CEP85L: variants seen among roughly 807,000 people sequenced by gnomAD.
The protein encoded by CEP85L is centrosomal protein of 85 kDa-like.
In CEP85L, 60 loss-of-function variants were observed where a neutral mutation model predicts 100.3. The ratio of observed to expected loss-of-function variants is 0.60; its 90% CI spans 0.49 to 0.74. The LOEUF is 0.74. Among genes scored for constraint, CEP85L ranks in the 30% least tolerant of loss-of-function variants. The pLI is 0.00. For missense variants in CEP85L, 973 were observed against 936.2 expected, an observed-to-expected ratio of 1.04 and a Z score of -0.51; for synonymous variants, 319 against 322.7, an observed-to-expected ratio of 0.99 and a Z score of 0.12.
intron 2 of CEP85L, among the ~76,000 whole-genome samples, chr6:118,623,843 G>T (rs1305654364): frequency 6.6e-6 from 1 of 152,166 alleles, no homozygotes; most frequent in Non-Finnish European, 1.5e-5. Context: ...AGGAGAAAAG[G>T]GATAGAGCTG....
At chr6:118,641,070 C>A (rs1774839067) in intron 1 of CEP85L, among the ~76,000 whole-genome samples, 1 of 152,134 alleles carries the variant, frequency 6.6e-6, no homozygotes, top group Non-Finnish European at 1.5e-5. Context: ...AATCATCTGA[C>A]AAATACCACA....
At chr6:118,595,593 G>C (rs73766575) in intron 2 of CEP85L, among the ~76,000 whole-genome samples, 2,592 of 152,152 alleles carry the variant, frequency 0.017, 69 homozygotes, top group African/African-American at 0.059. Context: ...AAAAGCTCCA[G>C]GTTAAAAAGG....
intron 3 of CEP85L, among the ~76,000 whole-genome samples, chr6:118,530,025 C>A (rs1171073162): frequency 5.3e-4 from 79 of 149,968 alleles, no homozygotes; most frequent in Admixed American, 5.2e-3. Flanking sequence ...AAAATCCAGG[C>A]CAAAAAAAAT....
chr6:118,689,741 G>A (rs569471546), intron 1 of CEP85L, among the ~76,000 whole-genome samples: 3 of 152,044 alleles, frequency 2.0e-5, no homozygotes, highest in East Asian at 1.9e-4. Flanking sequence ...AGTACAATTC[G>A]TTCATTCAAG....
At chr6:118,684,847 T>C (rs1287439519) in intron 1 of CEP85L, among the ~76,000 whole-genome samples, 4 of 152,222 alleles carry the variant, frequency 2.6e-5, no homozygotes, top group African/African-American at 9.6e-5. Context: ...AGACAAGATC[T>C]CACTATGTTG....
In CEP85L at chr6:118,461,594, A is replaced by G. The variant is rs1454082222; in HGVS notation, c.*3811T>C. The G allele has an allele frequency of 6.6e-6, 1 of 152,040 alleles. No individual in the cohort carries two copies. The highest frequency in any genetic ancestry group is 2.1e-4 in the South Asian group (1 of 4,832). The allele number at this position is 152,040 out of a possible 1,614,324, so 9.4% of individuals were successfully genotyped here. The stretch of plus-strand genomic sequence containing the variant: ...TGCTGATTTAAAACTATATTCTTAT[A>G]TTTAGCACTTTTTTAAATAAGAAAA... On this transcript the variant is annotated 3_prime_UTR_variant, in exon 13 of 13. Coordinates refer to ENST00000368491, the MANE Select transcript of CEP85L (RefSeq NM_001042475.3).
intron 3 of CEP85L, among the ~76,000 whole-genome samples, chr6:118,543,153 A>G (rs1778006427): frequency 6.8e-6 from 1 of 146,942 alleles, no homozygotes; most frequent in Non-Finnish European, 1.5e-5. Context: ...AATCAAAGCC[A>G]ATTAATTAAA....
At chr6:118,469,367 C>A in intron 11 of CEP85L, 64 bp from the exon 12 acceptor site, 1 of 1,285,024 alleles carries the variant, frequency 7.8e-7, no homozygotes, top group Non-Finnish European at 1.1e-6. Flanking sequence ...CAAAGCCATA[C>A]AGGTTAACAT....
At chr6:118,529,593 G>A (rs1434440238) in intron 3 of CEP85L, among the ~76,000 whole-genome samples, 1 of 118,474 alleles carries the variant, frequency 8.4e-6, no homozygotes, top group Non-Finnish European at 1.6e-5. Context: ...GGGCGACAGA[G>A]CGAGACTCTG....
chr6:118,504,431 T>A (rs553985683), intron 5 of CEP85L, among the ~76,000 whole-genome samples: 6 of 151,356 alleles, frequency 4.0e-5, no homozygotes, highest in African/African-American at 7.3e-5. Flanking sequence ...TAAAAAAAAA[T>A]AATAATACTA....
intron 8 of CEP85L, among the ~76,000 whole-genome samples, chr6:118,480,995 T>C (rs1773738038): frequency 6.6e-6 from 1 of 152,152 alleles, no homozygotes; most frequent in South Asian, 2.1e-4. Flanking sequence ...TTCTCTTTCA[T>C]TTCTTTTCTT....
intron 3 of CEP85L, among the ~76,000 whole-genome samples, chr6:118,556,883 G>A (rs1442015666): frequency 6.6e-6 from 1 of 152,026 alleles, no homozygotes; most frequent in African/African-American, 2.4e-5. Context: ...TTAATTTTCA[G>A]TCTATATATA....
Position 118,481,797 on chromosome 6 carries a change from A to C in CEP85L, c.1727T>G (p.Leu576Ter). ...LICQKKKEKE[L>*]VTTVQSLQQK... is the part of the protein sequence containing the mutation. ...TTCTTACCTCTGAACGGTAGTTACT[A>C]ACTCCTTTTCTTTCTTTTTCTGGCA... The change falls in exon 8 of 13, where the codon TTA becomes TGA. Residue 576 changes from leucine (L) to a stop codon, truncating the protein, a stop_gained. Transcript: ENST00000368491. LOFTEE classifies it high-confidence loss of function. 1 of 1,584,832 alleles carries C rather than the reference A, an allele frequency of 6.3e-7. No homozygotes were observed. The highest frequency in any genetic ancestry group is 8.6e-7 in the Non-Finnish European group (1 of 1,166,716).
At chr6:118,607,292 A>C (rs1772291702) in intron 2 of CEP85L, among the ~76,000 whole-genome samples, 1 of 152,186 alleles carries the variant, frequency 6.6e-6, no homozygotes, top group Non-Finnish European at 1.5e-5. Context: ...AAAGTAGAGA[A>C]GGAAAGTATT....
chr6:118,525,654 C>G (rs1194613947), intron 3 of CEP85L, among the ~76,000 whole-genome samples: 1 of 152,216 alleles, frequency 6.6e-6, no homozygotes, highest in Non-Finnish European at 1.5e-5. Flanking sequence ...AATTCTGCTT[C>G]ACAGTCATCC....
chr6:118,592,139 A>G (rs1167746776), intron 2 of CEP85L, among the ~76,000 whole-genome samples: 1 of 152,170 alleles, frequency 6.6e-6, no homozygotes, highest in Non-Finnish European at 1.5e-5. Flanking sequence ...TTCTCAATCT[A>G]GTGTTACCTA....
Position 118,464,608 on chromosome 6 carries a change from CAT to C in CEP85L, c.*795_*796del, listed in dbSNP as rs1201570997. On this transcript the variant is annotated 3_prime_UTR_variant, in exon 13 of 13. Coordinates refer to ENST00000368491, the MANE Select transcript of CEP85L (RefSeq NM_001042475.3). ...CATTTATATATGTATATATATAAAA[CAT>C]ATAAATAAAAAATTGTAAATAGTAA... The C allele has an allele frequency of 6.6e-6, 1 of 151,438 alleles. No homozygotes were observed. The highest frequency in any genetic ancestry group is 1.9e-4 in the East Asian group (1 of 5,180). 9.4% of individuals were successfully genotyped at this position (151,438 alleles called of 1,614,324 possible). A position where few individuals can be genotyped will look rare whatever the true frequency, so the allele number is the denominator to read the frequency against.
chr6:118,521,304 CTA>C (rs1407465781), intron 4 of CEP85L, among the ~76,000 whole-genome samples: 2 of 152,126 alleles, frequency 1.3e-5, no homozygotes, highest in African/African-American at 4.8e-5. Flanking sequence ...AATTTAAGTA[CTA>C]TATATGTTAT....
In CEP85L at chr6:118,651,487, T is replaced by A; in HGVS notation, c.-218A>T. The A allele has an allele frequency of 7.8e-7, 1 of 1,285,116 alleles. No homozygotes were observed. Among genetic ancestry groups the A allele is most frequent in the Non-Finnish European group, 9.8e-7 (1 of 1,017,724 alleles). 79.6% of individuals were successfully genotyped at this position (1,285,116 alleles called of 1,614,324 possible). ...CCTGCCATGGCCAAGCCGGCTGGGC[T>A]GAGGCCCGCGCCGGGGAAGCGGCGA... is the stretch of plus-strand genomic sequence containing the variant. On this transcript the variant is annotated 5_prime_UTR_variant, in exon 1 of 13. Coordinates refer to ENST00000368491, the MANE Select transcript of CEP85L (RefSeq NM_001042475.3).
Sources: gnomAD v4.1 joint callset for allele counts (sites outside exome capture counted in the v4.1 genomes callset) on GRCh38, gnomAD v4.1.1 for gene constraint, MANE v1.5 for transcripts, NCBI Gene and HGNC (gene_info 2026-07-23, HGNC 2026-07-21) for gene names.